The following TPCN1 variants were observed in gnomAD, a reference collection of about 807,000 sequenced individuals.
TPCN1 encodes two pore channel protein 1.
A neutral mutation model predicts 108.8 loss-of-function variants in TPCN1; 52 were observed. The ratio of observed to expected loss-of-function variants is 0.48; its 90% CI spans 0.38 to 0.60. The LOEUF (loss-of-function observed/expected upper bound fraction) is 0.60. TPCN1 is among the 20% of genes least tolerant of loss of function. The pLI, the probability that TPCN1 is intolerant of heterozygous loss-of-function variation, is 0.00. For synonymous variants in TPCN1, 446 were observed against 433.7 expected, an observed-to-expected ratio of 1.03 and a Z score of -0.35; for missense variants, 806 against 1,072.8, an observed-to-expected ratio of 0.75 and a Z score of 3.47.
At position 113,290,171 on chromosome 12, in the gene TPCN1, G is replaced by A. The variant is rs753672250; in HGVS notation, c.1840G>A (p.Val614Met). The A allele has an allele frequency of 4.2e-5, 68 of 1,606,862 alleles. No homozygotes were observed. Among genetic ancestry groups the A allele is most frequent in the African/African-American group, 6.7e-5 (5 of 74,810 alleles). Residue 614 changes from valine to methionine, a missense_variant, in exon 22 of 28, where the codon GTG becomes ATG. Coordinates refer to ENST00000335509, the MANE Select transcript of TPCN1 (RefSeq NM_017901.6). ...ADAYRWRNHT[V>M]GNRTVVEEGY... Reference sequence around the variant, plus strand: ...TGCCTACCGCTGGCGCAACCACACCGTGGGCAACAGGACCGTGGTGGAGGA... The same window carrying A: ...TGCCTACCGCTGGCGCAACCACACCATGGGCAACAGGACCGTGGTGGAGGA...
In TPCN1 at chr12:113,291,387, C is replaced by T. The variant is rs1196588781; in HGVS notation, c.1960-222C>T. On this transcript the variant is annotated intron_variant, in intron 23 of 27. Coordinates refer to ENST00000335509, the MANE Select transcript of TPCN1 (RefSeq NM_017901.6). The stretch of plus-strand genomic sequence containing the variant: ...CCAGCCCTACTGGGATAAAGGCTGC[C>T]CTGGTTCTGGATCCAGTCGTCCAGG... 6 of 601,984 alleles carry T rather than the reference C, an allele frequency of 1.0e-5. No homozygotes were observed. In the East Asian group the frequency reaches 1.1e-4, roughly 11 times the overall value. The allele number at this position is 601,984 out of a possible 1,614,324, so 37.3% of individuals were successfully genotyped here.
chr12:113,222,787 C>A (rs1953300814), intron 1 of TPCN1, among the ~76,000 whole-genome samples: 1 of 152,032 alleles, frequency 6.6e-6, no homozygotes, highest in African/African-American at 2.4e-5. Flanking sequence ...TCCAGCGTGG[C>A]CCAGGGAAGC....
chr12:113,280,190 T>A lies in TPCN1; in HGVS notation c.1337T>A (p.Phe446Tyr). The A allele has an allele frequency of 6.2e-7, 1 of 1,609,202 alleles. No individual in the cohort carries two copies. Among genetic ancestry groups the A allele is most frequent in the Non-Finnish European group, 8.5e-7 (1 of 1,175,934 alleles). The change falls in exon 15 of 28, where the codon TTC becomes TAC. Residue 446 changes from phenylalanine to tyrosine, a missense_variant. Coordinates refer to ENST00000335509, the MANE Select transcript of TPCN1 (RefSeq NM_017901.6). The part of the protein sequence containing the change: ...ILVKSKAFQY[F>Y]MYLVVAVNGV... ...GTGAAGTCCAAGGCCTTCCAGTATT[T>A]CATGTGTAAGTGTGAAATATCTCCA...
chr12:113,262,306 A>G (rs1002551914), intron 3 of TPCN1, among the ~76,000 whole-genome samples: 2 of 151,558 alleles, frequency 1.3e-5, no homozygotes, highest in Admixed American at 6.6e-5. Context: ...GCCACTTGTG[A>G]GACTGAGGTG....
chr12:113,270,111 G>T (rs1194000757), intron 7 of TPCN1, among the ~76,000 whole-genome samples: 1 of 152,008 alleles, frequency 6.6e-6, no homozygotes, highest in African/African-American at 2.4e-5. Flanking sequence ...CAGGAGAATT[G>T]CTTGAACCCG....
intron 13 of TPCN1, 125 bp from the exon 14 acceptor site, chr12:113,278,647 C>T (rs1185396844): frequency 1.4e-6 from 1 of 740,072 alleles, no homozygotes; most frequent in Non-Finnish European, 2.3e-6. Flanking sequence ...CATGTAGATC[C>T]CTGAAGGTTA....
intron 2 of TPCN1, among the ~76,000 whole-genome samples, chr12:113,257,204 A>G (rs1954857727): frequency 6.6e-6 from 1 of 152,240 alleles, no homozygotes; most frequent in South Asian, 2.1e-4. Flanking sequence ...TGAAATGCTT[A>G]AAGTTGGCCA....
At position 113,273,374 on chromosome 12, in the gene TPCN1, C is replaced by T; in HGVS notation, c.842+84C>T. 1 of 1,468,312 alleles carries T rather than the reference C, an allele frequency of 6.8e-7. No homozygotes were observed. The highest frequency in any genetic ancestry group is 9.5e-7 in the Non-Finnish European group (1 of 1,048,326). 91.0% of individuals were successfully genotyped at this position (1,468,312 alleles called of 1,614,324 possible). Reference sequence around the variant, plus strand: ...CTTTTCTGCCAAGTATATTCCACATCCCAGCACAGGCAGGTGCTGTGGTGC... The same window carrying T: ...CTTTTCTGCCAAGTATATTCCACATTCCAGCACAGGCAGGTGCTGTGGTGC... On this transcript the variant is annotated intron_variant, in intron 9 of 27. Transcript: ENST00000335509. The surrounding 1 kb of genome is among the most constrained non-coding windows in gnomAD (Gnocchi z 4.0).
chr12:113,278,164 T>C (rs751366886), intron 12 of TPCN1, 25 bp from the exon 13 acceptor site: 1 of 1,608,432 alleles, frequency 6.2e-7, no homozygotes, highest in Admixed American at 1.7e-5. Flanking sequence ...TGATATTTTG[T>C]CCCTTTTTAT....
intron 2 of TPCN1, among the ~76,000 whole-genome samples, chr12:113,255,862 T>A (rs753020081): frequency 6.1e-4 from 92 of 150,924 alleles, no homozygotes; most frequent in Non-Finnish European, 1.0e-3. Context: ...TCTTGCTCTG[T>A]CACCCAGGCT....
At chr12:113,277,184 T>C in intron 11 of TPCN1, 56 bp from the exon 12 acceptor site, 2 of 1,609,294 alleles carry the variant, frequency 1.2e-6, no homozygotes, top group Non-Finnish European at 1.7e-6. Flanking sequence ...CTGGAGTGGG[T>C]GCCCCAAGGG....
intron 2 of TPCN1, among the ~76,000 whole-genome samples, chr12:113,233,471 A>G (rs1315446042): frequency 6.6e-6 from 1 of 152,224 alleles, no homozygotes; most frequent in Non-Finnish European, 1.5e-5. Context: ...AATGACAGCA[A>G]GGTAGCCCAG....
chr12:113,226,587 C>T (rs1170038289), intron 1 of TPCN1, 141 bp from the exon 2 acceptor site: 1 of 751,696 alleles, frequency 1.3e-6, no homozygotes, highest in Non-Finnish European at 2.1e-6. Flanking sequence ...GGCCCTAGTT[C>T]ACCATTTTAA....
intron 14 of TPCN1, among the ~76,000 whole-genome samples, chr12:113,279,805 G>A (rs1397468874): frequency 6.6e-6 from 1 of 152,134 alleles, no homozygotes; most frequent in Non-Finnish European, 1.5e-5. Flanking sequence ...TTGAAATTGG[G>A]TGCTCGTATT....
Position 113,288,606 on chromosome 12 carries a change from AC to A in TPCN1, c.1707-151del. On this transcript the variant is annotated intron_variant, in intron 20 of 27. Transcript: ENST00000335509. This position sits in a 1 kb window ranked among gnomAD's most constrained non-coding sequence, Gnocchi z 4.8. ...CTGTTTTTCACCCCAGAGCTGCCCC[AC>A]GAGGCCCCTTCCCCGCAGGCACTTT... 5 of 1,501,554 alleles carry A rather than the reference AC, an allele frequency of 3.3e-6. No individual in the cohort carries two copies. The highest frequency in any genetic ancestry group is 4.4e-6 in the Non-Finnish European group (5 of 1,129,152). The allele number at this position is 1,501,554 out of a possible 1,614,324, so 93.0% of individuals were successfully genotyped here.
At chr12:113,279,501 C>T (rs1454785957) in intron 14 of TPCN1, among the ~76,000 whole-genome samples, 5 of 143,144 alleles carry the variant, frequency 3.5e-5, no homozygotes, top group Admixed American at 7.3e-5. Flanking sequence ...CAGATTCAAG[C>T]GATTCTCCTG....
chr12:113,222,248 T>A (rs1051947068), intron 1 of TPCN1, among the ~76,000 whole-genome samples: 4 of 152,172 alleles, frequency 2.6e-5, no homozygotes, highest in African/African-American at 7.2e-5. Flanking sequence ...GTCGTAGGTG[T>A]ATATAGGGTA....
intron 7 of TPCN1, among the ~76,000 whole-genome samples, chr12:113,270,814 CG>C (rs1187131693): frequency 2.6e-5 from 4 of 152,092 alleles, no homozygotes; most frequent in Non-Finnish European, 4.4e-5. Flanking sequence ...TAATCCCATT[CG>C]GGAGGACGTC....
chr12:113,274,495 AAAAG>A (rs1217848561), intron 10 of TPCN1, among the ~76,000 whole-genome samples: 1 of 152,232 alleles, frequency 6.6e-6, no homozygotes, highest in Non-Finnish European at 1.5e-5. Flanking sequence ...AATGACAAGA[AAAAG>A]AAGGCTGTAC....
Sources: gnomAD v4.1 joint callset for allele counts (sites outside exome capture counted in the v4.1 genomes callset) on GRCh38, gnomAD v4.1.1 for gene constraint, Gnocchi (gnomAD v3.1) non-coding constraint, MANE v1.5 for transcripts, NCBI Gene and HGNC (gene_info 2026-07-23, HGNC 2026-07-21) for gene names.